The following TGFBR2 variants were observed in gnomAD, a reference collection of about 807,000 sequenced individuals.
TGFBR2 encodes the protein transforming growth factor beta receptor 2, also known as TGF-beta receptor type-2.
TGFBR2 carries 18 observed loss-of-function variants against 49.0 expected under a neutral mutation model. That is an observed-to-expected ratio of 0.37 (90% CI 0.25 to 0.54). The LOEUF (loss-of-function observed/expected upper bound fraction) is 0.54, where lower values mean the gene tolerates loss of function less well. Among genes scored for constraint, TGFBR2 ranks in the 20% least tolerant of loss-of-function variants. TGFBR2 has a pLI of 0.85. For missense variants in TGFBR2, 525 were observed against 722.6 expected (o/e 0.73, Z 3.13); for synonymous variants, 282 against 275.9 (o/e 1.02, Z -0.22).
At chr3:30,631,968 G>T (rs143917033) in intron 1 of TGFBR2, among the ~76,000 whole-genome samples, 170 of 152,124 alleles carry the variant, frequency 1.1e-3, no homozygotes, top group Middle Eastern at 3.4e-3. Context: ...TAACTTTTAC[G>T]TGAGCAAATG....
intron 1 of TGFBR2, among the ~76,000 whole-genome samples, chr3:30,632,421 T>C (rs1698455114): frequency 6.6e-6 from 1 of 152,202 alleles, no homozygotes; most frequent in Non-Finnish European, 1.5e-5. Context: ...GATTATTTGG[T>C]TCTAGATCCT....
chr3:30,667,409 A>G (rs1278140152), intron 3 of TGFBR2, among the ~76,000 whole-genome samples: 1 of 152,176 alleles, frequency 6.6e-6, no homozygotes, highest in Non-Finnish European at 1.5e-5. Flanking sequence ...CCACATCCCA[A>G]AGCTTCCTTC....
intron 4 of TGFBR2, among the ~76,000 whole-genome samples, chr3:30,673,330 AG>A (rs1699375785): frequency 6.6e-6 from 1 of 152,228 alleles, no homozygotes; most frequent in Non-Finnish European, 1.5e-5. Flanking sequence ...TGGCTTCCCT[AG>A]ATCCTTGGGA....
rs1255851363 is a variant in TGFBR2, at chr3:30,676,629, C to A, written c.1396+2383C>A. ...TGGGTCACTGGTCCAAACTACCCAA[C>A]ATTTTGCCCAAGGCAGATTCAGTTG... is the stretch of plus-strand genomic sequence containing the variant. On this transcript the variant is annotated intron_variant, in intron 5 of 6. Transcript: ENST00000295754. This position sits in a 1 kb window ranked among gnomAD's most constrained non-coding sequence, Gnocchi z 4.3. Among the ~76,000 whole-genome samples, 2 of 152,204 alleles carry A rather than the reference C, an allele frequency of 1.3e-5. No individual in the cohort carries two copies. The highest frequency in any genetic ancestry group is 2.9e-5 in the Non-Finnish European group (2 of 68,046).
Position 30,693,479 on chromosome 3 carries a change from G to A in TGFBR2, c.*1880G>A, listed in dbSNP as rs11466534. The A allele has an allele frequency of 7.9e-3, 1,852 of 233,620 alleles. 44 individuals carry two copies. The highest frequency in any genetic ancestry group is 0.037 in the African/African-American group (1,694 of 45,438). 14.5% of individuals were successfully genotyped at this position (233,620 alleles called of 1,614,324 possible). A position where few individuals can be genotyped will look rare whatever the true frequency, so the allele number is the denominator to read the frequency against. On this transcript the variant is annotated 3_prime_UTR_variant, in exon 7 of 7. Coordinates refer to ENST00000295754, the MANE Select transcript of TGFBR2 (RefSeq NM_003242.6). Reference sequence around the variant, plus strand: ...TTCAGCCAAATAGGAATATTAGAGAGGGACTGGTAGTGAGAATATCAGCTC... The same window carrying A: ...TTCAGCCAAATAGGAATATTAGAGAAGGACTGGTAGTGAGAATATCAGCTC...
intron 6 of TGFBR2, 47 bp from the exon 7 acceptor site, chr3:30,691,373 G>A (rs765577497): frequency 1.6e-5 from 25 of 1,608,854 alleles, no homozygotes; most frequent in South Asian, 3.3e-5. Flanking sequence ...TGCCTTCCGC[G>A]GAGCCCACCA....
At chr3:30,656,489 G>A (rs182030664) in intron 3 of TGFBR2, among the ~76,000 whole-genome samples, 1 of 152,358 alleles carries the variant, frequency 6.6e-6, no homozygotes, top group East Asian at 1.9e-4. Context: ...CAATGAAGGA[G>A]ATGTTTGGTG....
At chr3:30,687,959 A>AT (rs549113388) in intron 5 of TGFBR2, among the ~76,000 whole-genome samples, 120 of 152,292 alleles carry the variant, frequency 7.9e-4, no homozygotes, top group Non-Finnish European at 1.4e-3. Context: ...TTAATACCAC[A>AT]TTTTAAATCT....
At chr3:30,678,245 C>T (rs541161647) in intron 5 of TGFBR2, among the ~76,000 whole-genome samples, 84 of 152,218 alleles carry the variant, frequency 5.5e-4, no homozygotes, top group Middle Eastern at 3.4e-3. Context: ...TGCAGAGAAG[C>T]CTGCTCAAGA....
Position 30,627,739 on chromosome 3 carries a change from A to G in TGFBR2, c.95-17008A>G, listed in dbSNP as rs559434329. The stretch of plus-strand genomic sequence containing the variant: ...AACAGTGGGTCTGAGACCATCTTAG[A>G]TGATACATGTGGCTTGAAACGTAGC... On this transcript the variant is annotated intron_variant, in intron 1 of 6. Transcript: ENST00000295754. Among the ~76,000 whole-genome samples the G allele has an allele frequency of 1.7e-3, 258 of 152,048 alleles. 3 individuals are homozygous for G. The highest frequency in any genetic ancestry group is 6.1e-3 in the African/African-American group (252 of 41,542).
At chr3:30,665,989 T>C (rs1421972761) in intron 3 of TGFBR2, among the ~76,000 whole-genome samples, 1 of 152,218 alleles carries the variant, frequency 6.6e-6, no homozygotes, top group African/African-American at 2.4e-5. Context: ...ACAATTGAAA[T>C]GTCTAAATGG....
rs376425031 is a variant in TGFBR2 at position 30,659,145 on chromosome 3, C to T, written c.454+8685C>T. Among the ~76,000 whole-genome samples the T allele has an allele frequency of 4.7e-4, 71 of 152,272 alleles. 1 individual carries two copies. In the South Asian group the frequency reaches 8.9e-3, roughly 19 times the overall value. ...ATGCTGCCTTGGAACTGTGCACTCA[C>T]GCCTCAAAATAGCTGGCTTTCCAGC... is the stretch of plus-strand genomic sequence containing the variant. On this transcript the variant is annotated intron_variant, in intron 3 of 6. Transcript: ENST00000295754.
At chr3:30,641,352 G>C (rs1698640593) in intron 1 of TGFBR2, among the ~76,000 whole-genome samples, 1 of 152,070 alleles carries the variant, frequency 6.6e-6, no homozygotes. Context: ...TGCATAAAAG[G>C]ACCTGAGGAC....
At chr3:30,647,919 C>T (rs751909138) in intron 2 of TGFBR2, among the ~76,000 whole-genome samples, 6 of 151,998 alleles carry the variant, frequency 3.9e-5, no homozygotes, top group African/African-American at 4.8e-5. Context: ...CCTTGTGATC[C>T]GCCTGCCTCG....
At chr3:30,630,614 C>T (rs986748738) in intron 1 of TGFBR2, among the ~76,000 whole-genome samples, 9 of 152,084 alleles carry the variant, frequency 5.9e-5, no homozygotes, top group African/African-American at 1.9e-4. Flanking sequence ...CCTTTTTTCT[C>T]ACCAACTACT....
chr3:30,613,552 A>AAGAG (rs1346050465), intron 1 of TGFBR2, among the ~76,000 whole-genome samples: 2 of 134,584 alleles, frequency 1.5e-5, no homozygotes, highest in African/African-American at 2.9e-5. Context: ...GAGAGAGAGA[A>AAGAG]AGAGAGAGAG....
At chr3:30,669,164 A>G (rs1285392345) in intron 3 of TGFBR2, among the ~76,000 whole-genome samples, 1 of 143,608 alleles carries the variant, frequency 7.0e-6, no homozygotes, top group Non-Finnish European at 1.5e-5. Flanking sequence ...CTGGGCATAG[A>G]GGCTAAGGCA....
intron 3 of TGFBR2, among the ~76,000 whole-genome samples, chr3:30,662,286 C>A (rs922366068): frequency 6.6e-6 from 1 of 152,140 alleles, no homozygotes; most frequent in African/African-American, 2.4e-5. Flanking sequence ...TCTACCATAA[C>A]ATTTTCAGGC....
At position 30,671,683 on chromosome 3, in the gene TGFBR2, T is replaced by G. The variant is rs779052721; in HGVS notation, c.500T>G (p.Val167Gly). ...NPDLLLVIFQVTGISLLPPLG... is the reference protein window; with the variant it reads ...NPDLLLVIFQGTGISLLPPLG... ...GACTTGTTGCTAGTCATATTTCAAG[T>G]GACAGGCATCAGCCTCCTGCCACCA... is the stretch of plus-strand genomic sequence containing the variant. The change falls in exon 4 of 7, where the codon GTG becomes GGG. Residue 167 changes from valine (V) to glycine (G), a missense_variant. Val to Gly is a moderately radical substitution (Grantham distance 109). Coordinates refer to ENST00000295754, the MANE Select transcript of TGFBR2 (RefSeq NM_003242.6). 6.2e-7 allele frequency: 1 copy of G among 1,614,234 alleles called. No individual in the cohort carries two copies. Among genetic ancestry groups the G allele is most frequent in the Non-Finnish European group, 8.5e-7 (1 of 1,180,030 alleles).
Sources: allele counts gnomAD v4.1 joint callset (sites outside exome capture counted in the v4.1 genomes callset), GRCh38; gene constraint gnomAD v4.1.1; non-coding constraint Gnocchi (gnomAD v3.1); transcripts MANE v1.5; gene names NCBI Gene and HGNC (gene_info 2026-07-23, HGNC 2026-07-21).